The following SWT1 variants were observed in gnomAD, a reference collection of about 807,000 sequenced individuals.
The protein encoded by SWT1 is transcriptional protein SWT1.
A neutral mutation model predicts 107.3 loss-of-function variants in SWT1; 33 were observed. That is an observed-to-expected ratio of 0.31 (90% CI 0.23 to 0.41). The LOEUF is 0.41. SWT1 is among the 10% of genes least tolerant of loss of function. The probability of loss-of-function intolerance (pLI) is 1.00; values close to 1 mark genes in which losing one functional copy is unlikely to be tolerated. For synonymous variants in SWT1, 345 were observed against 348.3 expected (o/e 0.99, Z 0.11); for missense variants, 898 against 1,028.9 (o/e 0.87, Z 1.74).
chr1:185,242,318 C>T (rs1452919986), intron 16 of SWT1, among the ~76,000 whole-genome samples: 1 of 152,162 alleles, frequency 6.6e-6, no homozygotes, highest in Non-Finnish European at 1.5e-5. Context: ...CTGAATTTTT[C>T]AGTAACCAGC....
intron 10 of SWT1, among the ~76,000 whole-genome samples, chr1:185,191,248 T>A (rs1656923314): frequency 6.6e-6 from 1 of 152,074 alleles, no homozygotes; most frequent in Non-Finnish European, 1.5e-5. Flanking sequence ...CCTTCTCCCT[T>A]CCCCCTGCTT....
chr1:185,290,722 C>G lies in SWT1; in HGVS notation c.2622C>G (p.Thr874=), dbSNP rs376703787. The change falls in exon 19 of 19, where the codon ACC becomes ACG. Residue 874 remains threonine (T), a synonymous_variant. Coordinates refer to ENST00000367500, the MANE Select transcript of SWT1 (RefSeq NM_017673.7). ...GCCAGCTGGTTGAGATGGAATATAC[C>G]ATGCAGCAGTGCAATGCATCTGTTT... ...GCRQLVEMEY[T]MQQCNASVYM... 5 of 1,606,064 alleles carry G rather than the reference C, an allele frequency of 3.1e-6. No homozygotes were observed. Among genetic ancestry groups the G allele is most frequent in the Admixed American group, 1.7e-5 (1 of 59,504 alleles).
At position 185,275,786 on chromosome 1, in the gene SWT1, C is replaced by G. The variant is rs565637522; in HGVS notation, c.2509-818C>G. Among the ~76,000 whole-genome samples, 16 of 152,008 alleles carry G rather than the reference C, an allele frequency of 1.1e-4. No individual in the cohort carries two copies. The East Asian group carries it at 3.1e-3, about 29-fold the overall frequency. On this transcript the variant is annotated intron_variant, in intron 17 of 18. Transcript: ENST00000367500. The stretch of plus-strand genomic sequence containing the variant: ...ATTGAAGAAAGTCATGGAATTTTTG[C>G]CAATAAGCAATACATTGAATCATAT...
intron 13 of SWT1, among the ~76,000 whole-genome samples, chr1:185,212,818 A>AT (rs369640042): frequency 6.7e-6 from 1 of 149,516 alleles, no homozygotes; most frequent in Admixed American, 6.6e-5. Flanking sequence ...AAAAAAAAAA[A>AT]CTTCTTGCTG....
chr1:185,251,230 A>G (rs1171017702), intron 16 of SWT1: 3 of 152,208 alleles, frequency 2.0e-5, no homozygotes, highest in African/African-American at 4.8e-5. Context: ...AACTGGTGCC[A>G]CCTAACTTCT....
At chr1:185,280,957 A>T (rs1367460122) in intron 18 of SWT1, 1 of 478,786 alleles carries the variant, frequency 2.1e-6, no homozygotes, top group East Asian at 5.8e-5. Flanking sequence ...TTGGTGTGCT[A>T]TTGGGGTCAT....
At chr1:185,276,078 G>A (rs1053292501) in intron 17 of SWT1, among the ~76,000 whole-genome samples, 1 of 152,186 alleles carries the variant, frequency 6.6e-6, no homozygotes, top group Middle Eastern at 3.4e-3. Context: ...TTGTCTAAAT[G>A]AATAGTAAGT....
At chr1:185,159,676 C>T (rs1188590967) in intron 1 of SWT1, among the ~76,000 whole-genome samples, 1 of 152,052 alleles carries the variant, frequency 6.6e-6, no homozygotes, top group African/African-American at 2.4e-5. Context: ...GTGTACCAAC[C>T]TATGCAAGAT....
chr1:185,204,851 C>A lies in SWT1; in HGVS notation c.1821C>A (p.Asn607Lys). 1 of 1,570,988 alleles carries A rather than the reference C, an allele frequency of 6.4e-7. No individual in the cohort carries two copies. The highest frequency in any genetic ancestry group is 8.6e-7 in the Non-Finnish European group (1 of 1,161,882). Residue 607 changes from asparagine (N) to lysine (K), a missense_variant, in exon 12 of 19, where the codon AAC (asparagine) becomes AAA (lysine). By Grantham distance (94) the Asn-to-Lys change is moderately conservative (BLOSUM62 0). Around this residue, in one of 6 missense-constraint regions of SWT1, gnomAD observed 382 missense variants for 460.0 expected, o/e 0.83. Transcript: ENST00000367500. ...LETEMKIAFG[N>K]LWMEILYLKP... ...CAGAAATGAAAATTGCTTTTGGAAACCTTTGGATGGAGGTGATTAGTTGAA... is the reference window on the plus strand; with the variant it reads ...CAGAAATGAAAATTGCTTTTGGAAAACTTTGGATGGAGGTGATTAGTTGAA...
At chr1:185,225,687 A>G (rs1368332034) in intron 15 of SWT1, among the ~76,000 whole-genome samples, 1 of 152,170 alleles carries the variant, frequency 6.6e-6, no homozygotes, top group Non-Finnish European at 1.5e-5. Context: ...TACAGCCTAG[A>G]TGTCTAGTAA....
In SWT1 at chr1:185,291,000, A is replaced by G; in HGVS notation, c.*197A>G. On this transcript the variant is annotated 3_prime_UTR_variant, in exon 19 of 19. Coordinates refer to ENST00000367500, the MANE Select transcript of SWT1 (RefSeq NM_017673.7). ...ATGTATCCACTGTGGAATAAACTCC[A>G]TAGACTCAACTCTTCTGGAGTTCAC... is the stretch of plus-strand genomic sequence containing the variant. The G allele has an allele frequency of 2.9e-6, 1 of 343,640 alleles. No homozygotes were observed. Among genetic ancestry groups the G allele is most frequent in the South Asian group, 5.8e-5 (1 of 17,172 alleles). The allele number at this position is 343,640 out of a possible 1,614,324, so 21.3% of individuals were successfully genotyped here.
At chr1:185,214,405 A>G (rs999087623) in intron 13 of SWT1, 102 bp from the exon 14 acceptor site, 3 of 868,842 alleles carry the variant, frequency 3.5e-6, no homozygotes, top group Admixed American at 2.6e-5. Context: ...GTATAAATGT[A>G]TACTCTTTTT....
intron 17 of SWT1, among the ~76,000 whole-genome samples, chr1:185,273,818 T>C (rs969178249): frequency 2.6e-5 from 4 of 152,214 alleles, no homozygotes; most frequent in African/African-American, 9.6e-5. Flanking sequence ...TCTTACTTTC[T>C]GAATTTCAAA....
At chr1:185,179,578 T>C (rs1428697837) in intron 5 of SWT1, among the ~76,000 whole-genome samples, 4 of 152,226 alleles carry the variant, frequency 2.6e-5, no homozygotes, top group Non-Finnish European at 5.9e-5. Flanking sequence ...TTTAGCCTTA[T>C]TGTAATCCTC....
intron 16 of SWT1, chr1:185,264,295 A>G: frequency 1.1e-6 from 1 of 948,566 alleles, no homozygotes; most frequent in Non-Finnish European, 1.3e-6. Flanking sequence ...TCTCCTATTG[A>G]TGTTTATTGT....
intron 5 of SWT1, among the ~76,000 whole-genome samples, chr1:185,178,553 G>T (rs909613491): frequency 6.6e-6 from 1 of 152,154 alleles, no homozygotes; most frequent in Non-Finnish European, 1.5e-5. Flanking sequence ...AAGGCATGGT[G>T]GGGGAGGCAA....
intron 10 of SWT1, among the ~76,000 whole-genome samples, chr1:185,196,148 C>T (rs1657369285): frequency 1.3e-5 from 2 of 152,236 alleles, no homozygotes; most frequent in South Asian, 4.1e-4. Flanking sequence ...AGTTTTTAAT[C>T]CATCTTGAGT....
chr1:185,159,231 C>T (rs951328043), intron 1 of SWT1, among the ~76,000 whole-genome samples: 1 of 152,270 alleles, frequency 6.6e-6, no homozygotes. Context: ...GCATGATTAC[C>T]AAGCATCAGG....
chr1:185,224,858 G>A (rs11806863), intron 15 of SWT1, among the ~76,000 whole-genome samples: 2,796 of 151,984 alleles, frequency 0.018, 85 homozygotes, highest in African/African-American at 0.064. Context: ...AGACATTTTC[G>A]GTGGAGTCTT....
Sources: allele counts gnomAD v4.1 joint callset (sites outside exome capture counted in the v4.1 genomes callset), GRCh38; gene constraint gnomAD v4.1.1; regional missense constraint gnomAD v4.1.1; transcripts MANE v1.5; gene names NCBI Gene and HGNC (gene_info 2026-07-23, HGNC 2026-07-21).